The following ADAMTS16 variants were observed in gnomAD, a reference collection of about 807,000 sequenced individuals.
ADAMTS16 encodes the protein A disintegrin and metalloproteinase with thrombospondin motifs 16.
ADAMTS16 carries 94 observed loss-of-function variants against 145.8 expected under a neutral mutation model. That is an observed-to-expected ratio of 0.64 (90% CI 0.55 to 0.77). ADAMTS16 has a LOEUF of 0.77. Among genes scored for constraint, ADAMTS16 ranks in the 30% least tolerant of loss-of-function variants. The pLI is 0.00. For synonymous variants in ADAMTS16, 659 were observed against 604.3 expected (o/e 1.09, Z -1.33); for missense variants, 1,585 against 1,591.5 (o/e 1.00, Z 0.07).
intron 3 of ADAMTS16, among the ~76,000 whole-genome samples, chr5:5,147,657 C>CAATG (rs1279128679): frequency 6.6e-6 from 1 of 152,142 alleles, no homozygotes; most frequent in Non-Finnish European, 1.5e-5. Context: ...AGCATGAAGA[C>CAATG]AATGGGGCTG....
chr5:5,148,104 C>T (rs10462800), intron 3 of ADAMTS16, among the ~76,000 whole-genome samples: 85,721 of 152,046 alleles, frequency 0.56, 24,968 homozygotes, highest in Middle Eastern at 0.79. Context: ...GAAAAAAATG[C>T]TTCTCTGGAT....
intron 17 of ADAMTS16, among the ~76,000 whole-genome samples, chr5:5,260,530 C>T (rs185761379): frequency 2.6e-4 from 40 of 152,290 alleles, no homozygotes; most frequent in African/African-American, 9.4e-4. Flanking sequence ...GCCAAGTTAG[C>T]AGAGAGATGA....
chr5:5,305,839 C>T lies in ADAMTS16; in HGVS notation c.3187-665C>T, dbSNP rs145145751. 5.2e-4 allele frequency among the ~76,000 whole-genome samples: 79 copies of T among 152,332 alleles called. No individual in the cohort carries two copies. In the East Asian group the frequency reaches 9.5e-3, roughly 18 times the overall value. ...CGGGACCTCTGTCCCAGAGACCCTC[C>T]GCGCCCAGTCTGTGGTGGGACAGTG... On this transcript the variant is annotated intron_variant, in intron 20 of 22. Coordinates refer to ENST00000274181, the MANE Select transcript of ADAMTS16 (RefSeq NM_139056.4).
chr5:5,221,139 C>G (rs1736594956), intron 10 of ADAMTS16, among the ~76,000 whole-genome samples: 1 of 152,020 alleles, frequency 6.6e-6, no homozygotes, highest in Admixed American at 6.6e-5. Flanking sequence ...TTATTTTTAT[C>G]CTGGCATTCT....
chr5:5,297,437 G>A (rs1214348777), intron 18 of ADAMTS16, among the ~76,000 whole-genome samples: 13 of 152,188 alleles, frequency 8.5e-5, no homozygotes, highest in Admixed American at 1.3e-4. Context: ...CCTTTTAAAA[G>A]GGAATGCAAA....
chr5:5,251,910 G>A (rs1737635549), intron 17 of ADAMTS16, among the ~76,000 whole-genome samples: 2 of 152,080 alleles, frequency 1.3e-5, no homozygotes, highest in African/African-American at 4.8e-5. Flanking sequence ...AGGCTGGAGT[G>A]CAGTGGCGCG....
chr5:5,181,086 A>G (rs1241286091), intron 3 of ADAMTS16, among the ~76,000 whole-genome samples: 6 of 152,138 alleles, frequency 3.9e-5, no homozygotes, highest in Non-Finnish European at 8.8e-5. Flanking sequence ...TAGTTTTGTT[A>G]TTATAAACAA....
intron 14 of ADAMTS16, 135 bp from the exon 15 acceptor site, chr5:5,239,016 A>T (rs953904998): frequency 8.3e-6 from 8 of 959,830 alleles, no homozygotes; most frequent in Non-Finnish European, 1.0e-5. Flanking sequence ...GTATCCAATA[A>T]ATATTTGTTA....
intron 7 of ADAMTS16, among the ~76,000 whole-genome samples, chr5:5,190,789 C>T (rs565797428): frequency 6.6e-6 from 1 of 152,236 alleles, no homozygotes; most frequent in East Asian, 1.9e-4. Flanking sequence ...AACGTGGTGT[C>T]CCGGCTGCTT....
At chr5:5,231,072 T>C (rs1394440436) in intron 11 of ADAMTS16, among the ~76,000 whole-genome samples, 7 of 152,248 alleles carry the variant, frequency 4.6e-5, no homozygotes, top group African/African-American at 1.7e-4. Context: ...TGACAACCGG[T>C]GCAACCTCAC....
intron 2 of ADAMTS16, among the ~76,000 whole-genome samples, chr5:5,145,230 G>T (rs1343345001): frequency 6.6e-6 from 1 of 152,122 alleles, no homozygotes; most frequent in African/African-American, 2.4e-5. Context: ...AAATCACTGT[G>T]AGAATAATTA....
chr5:5,252,523 G>T (rs770577942), intron 17 of ADAMTS16, among the ~76,000 whole-genome samples: 1 of 152,078 alleles, frequency 6.6e-6, no homozygotes, highest in Non-Finnish European at 1.5e-5. Flanking sequence ...GGCTTCCCTG[G>T]AGAACTCCCA....
intron 9 of ADAMTS16, among the ~76,000 whole-genome samples, chr5:5,207,088 A>G (rs1452919242): frequency 6.6e-6 from 1 of 152,176 alleles, no homozygotes; most frequent in Non-Finnish European, 1.5e-5. Context: ...CCTCAAAATA[A>G]CTTCCTTTAG....
At chr5:5,311,337 T>C (rs1042488193) in intron 21 of ADAMTS16, among the ~76,000 whole-genome samples, 1 of 151,232 alleles carries the variant, frequency 6.6e-6, no homozygotes. Flanking sequence ...AAAAAAACAT[T>C]CTTATTGTTT....
At chr5:5,182,019 C>G in intron 3 of ADAMTS16, 25 bp from the exon 4 acceptor site, 3 of 1,578,462 alleles carry the variant, frequency 1.9e-6, no homozygotes, top group Non-Finnish European at 8.6e-7. Context: ...ATTGTGTTTT[C>G]TTTCTTTCCT....
chr5:5,242,126 C>G lies in ADAMTS16; in HGVS notation c.2597C>G (p.Pro866Arg). ...CCTCGCTTGGGGACCGAGAAGCAGC[C>G]CCCTGCCCAGCCCAGCTACACTTGG... is the stretch of plus-strand genomic sequence containing the variant. ...SMPRLGTEKQ[P>R]PAQPSYTWAI... is the part of the protein sequence containing the mutation. The change falls in exon 17 of 23, where the codon CCC (proline) becomes CGC (arginine). Residue 866 changes from proline (P) to arginine (R), a missense_variant. Pro to Arg is a moderately radical substitution (Grantham distance 103, BLOSUM62 -2). Transcript: ENST00000274181. 6.2e-7 allele frequency: 1 copy of G among 1,614,166 alleles called. No homozygotes were observed. Among genetic ancestry groups the G allele is most frequent in the Middle Eastern group, 1.6e-4 (1 of 6,062 alleles).
intron 17 of ADAMTS16, among the ~76,000 whole-genome samples, chr5:5,259,447 G>A (rs758392282): frequency 3.3e-5 from 5 of 151,594 alleles, no homozygotes; most frequent in Admixed American, 1.3e-4. Context: ...GGTCTCAATC[G>A]AGTTTATTTT....
intron 21 of ADAMTS16, among the ~76,000 whole-genome samples, chr5:5,315,690 C>T (rs753076216): frequency 1.3e-5 from 2 of 152,138 alleles, no homozygotes; most frequent in Non-Finnish European, 2.9e-5. Flanking sequence ...GTCTGGAATG[C>T]AGACAGCAGA....
At chr5:5,192,493 T>A (rs968009156) in intron 8 of ADAMTS16, among the ~76,000 whole-genome samples, 1 of 152,160 alleles carries the variant, frequency 6.6e-6, no homozygotes, top group East Asian at 1.9e-4. Flanking sequence ...CTATTTTTCA[T>A]TGGTACTCCA....
Sources: allele counts gnomAD v4.1 joint callset (sites outside exome capture counted in the v4.1 genomes callset), GRCh38; gene constraint gnomAD v4.1.1; transcripts MANE v1.5; gene names NCBI Gene and HGNC (gene_info 2026-07-23, HGNC 2026-07-21).